Variants in COL27A1 observed in about 807,000 individuals in gnomAD.
The protein encoded by COL27A1 is collagen type XXVII alpha 1 chain, also known as collagen alpha-1(XXVII) chain.
Under a neutral mutation model 251.3 loss-of-function variants are expected in COL27A1, and 106 were observed. That is an observed-to-expected ratio of 0.42 (90% CI 0.36 to 0.50). COL27A1 has a LOEUF of 0.50. COL27A1 is among the 20% of genes least tolerant of loss of function. The probability of loss-of-function intolerance (pLI) is 0.00; values close to 1 mark genes in which losing one functional copy is unlikely to be tolerated. For missense variants in COL27A1, 2,325 were observed against 2,522.8 expected, an observed-to-expected ratio of 0.92 and a Z score of 1.68; for synonymous variants, 1,000 against 986.3, an observed-to-expected ratio of 1.01 and a Z score of -0.26.
chr9:114,278,251 T>TTGG, intron 37 of COL27A1, among the ~76,000 whole-genome samples: 1 of 141,282 alleles, frequency 7.1e-6, no homozygotes, highest in South Asian at 2.7e-4. Flanking sequence ...GATGATGGTG[T>TTGG]TGGTGGTGGT....
At chr9:114,219,181 G>A (rs544138839) in intron 12 of COL27A1, among the ~76,000 whole-genome samples, 68 of 152,296 alleles carry the variant, frequency 4.5e-4, no homozygotes, top group South Asian at 1.0e-3. Context: ...GGGATGGGGC[G>A]AGAGGGCCAG....
chr9:114,194,328 T>C (rs1242793557), intron 5 of COL27A1, 76 bp from the exon 6 acceptor site: 2 of 1,414,808 alleles, frequency 1.4e-6, no homozygotes, highest in Non-Finnish European at 2.0e-6. Flanking sequence ...GAGCAGGGCT[T>C]TGAGCAGAGT....
intron 7 of COL27A1, among the ~76,000 whole-genome samples, chr9:114,200,104 G>GA (rs1347994940): frequency 6.6e-6 from 1 of 152,206 alleles, no homozygotes; most frequent in African/African-American, 2.4e-5. Flanking sequence ...TGTGTCTGGG[G>GA]AAATGTGATG....
intron 34 of COL27A1, among the ~76,000 whole-genome samples, chr9:114,267,770 C>T (rs760091459): frequency 1.3e-5 from 2 of 152,160 alleles, no homozygotes; most frequent in African/African-American, 2.4e-5. Flanking sequence ...TTTCGGGCAC[C>T]TGCCCCTGCC....
At chr9:114,237,102 G>C in intron 18 of COL27A1, 68 bp downstream of exon 18, 2 of 1,444,762 alleles carry the variant, frequency 1.4e-6, no homozygotes, top group Non-Finnish European at 1.9e-6. Flanking sequence ...TGTGGCTGGG[G>C]ACACCTTCAC....
intron 3 of COL27A1, among the ~76,000 whole-genome samples, 191 bp from the exon 4 acceptor site, chr9:114,178,100 A>C (rs1398820983): frequency 1.3e-5 from 2 of 152,204 alleles, no homozygotes; most frequent in African/African-American, 4.8e-5. Context: ...CAGTGACTGA[A>C]TAGTAGCTAT....
chr9:114,205,309 C>T (rs150094999), intron 8 of COL27A1, among the ~76,000 whole-genome samples, 163 bp downstream of exon 8: 78 of 152,328 alleles, frequency 5.1e-4, no homozygotes, highest in South Asian at 1.2e-3. Flanking sequence ...GTCCACCCCA[C>T]CTCTCTCGCC....
At chr9:114,180,131 C>CA (rs1564436113) in intron 4 of COL27A1, among the ~76,000 whole-genome samples, 1 of 151,690 alleles carries the variant, frequency 6.6e-6, no homozygotes, top group Non-Finnish European at 1.5e-5. Flanking sequence ...TGAGCCACTG[C>CA]GCCTAGCCCA....
intron 48 of COL27A1, 149 bp downstream of exon 48, chr9:114,291,066 G>T: frequency 1.7e-6 from 1 of 578,722 alleles, no homozygotes; most frequent in South Asian, 2.3e-5. Flanking sequence ...AGCAGTGCTT[G>T]GGGGTCCTGC....
At chr9:114,174,093 T>G (rs1849522654) in intron 3 of COL27A1, among the ~76,000 whole-genome samples, 1 of 152,054 alleles carries the variant, frequency 6.6e-6, no homozygotes, top group African/African-American at 2.4e-5. Flanking sequence ...TTCTCCTGCC[T>G]CAGCCTCCTA....
chr9:114,156,064 T>A, intron 1 of COL27A1, 52 bp downstream of exon 1: 3 of 1,293,402 alleles, frequency 2.3e-6, no homozygotes, highest in Non-Finnish European at 3.0e-6. Flanking sequence ...TGCTCCAATC[T>A]CGGGGAGGGC....
At chr9:114,245,544 C>T (rs1833073505) in intron 23 of COL27A1, among the ~76,000 whole-genome samples, 1 of 152,180 alleles carries the variant, frequency 6.6e-6, no homozygotes, top group Non-Finnish European at 1.5e-5. Flanking sequence ...GGTCACTTCA[C>T]CTCTCTGGGC....
Position 114,246,031 on chromosome 9 carries a change from G to A in COL27A1, c.2979+121G>A, listed in dbSNP as rs138771441. On this transcript the variant is annotated intron_variant, in intron 24 of 60. Transcript: ENST00000356083. ...TGTAATTCTCAGAACAACTCCAGAG[G>A]TAGGTTCAGTCCTCTACCCCTTTCA... 1.7e-3 allele frequency: 1,444 copies of A among 830,528 alleles called. 15 individuals carry two copies. The African/African-American group carries it at 0.022, about 13-fold the overall frequency. The allele number at this position is 830,528 out of a possible 1,614,324, so 51.4% of individuals were successfully genotyped here.
At chr9:114,172,020 T>C (rs2808778) in intron 3 of COL27A1, among the ~76,000 whole-genome samples, 38,580 of 152,016 alleles carry the variant, frequency 0.25, 5,133 homozygotes, top group Middle Eastern at 0.4. Context: ...TTCTGCTCCT[T>C]CAGCCCTGAC....
rs1564577165 is a variant in COL27A1 at position 114,290,867 on chromosome 9, A to C, written c.4426A>C (p.Asn1476His). Residue 1476 changes from asparagine to histidine, a missense_variant, in exon 48 of 61, where the codon AAT (asparagine) becomes CAT (histidine). Asn to His is a moderately conservative substitution (Grantham distance 68). Transcript: ENST00000356083. This position sits in a 1 kb window ranked among gnomAD's most constrained non-coding sequence, Gnocchi z 4.6. ...CATGGGCCCTGCTGGGAAGAGAGGA[A>C]ATCCAGGTGTGGCCGGCTTACCTGG... ...GPMGPAGKRG[N>H]PGVAGLPGAQ... The C allele has an allele frequency of 6.4e-7, 1 of 1,551,876 alleles. No homozygotes were observed. The highest frequency in any genetic ancestry group is 1.2e-5 in the South Asian group (1 of 84,092).
chr9:114,171,248 A>G (rs370123373), intron 3 of COL27A1, among the ~76,000 whole-genome samples: 7 of 152,164 alleles, frequency 4.6e-5, no homozygotes, highest in African/African-American at 1.7e-4. Context: ...AATTGCGCTC[A>G]GAGAGGGCCA....
At chr9:114,240,621 AC>A in intron 21 of COL27A1, 134 bp downstream of exon 21, 3 of 770,572 alleles carry the variant, frequency 3.9e-6, no homozygotes, top group Non-Finnish European at 6.2e-6. Context: ...GCTTCCCCAG[AC>A]TTACCCACCA....
At chr9:114,282,157 G>C in intron 37 of COL27A1, 120 bp from the exon 38 acceptor site, 1 of 820,864 alleles carries the variant, frequency 1.2e-6, no homozygotes, top group Non-Finnish European at 2.1e-6. Flanking sequence ...CTGGGTGGCA[G>C]AATCAGTTTC....
intron 7 of COL27A1, among the ~76,000 whole-genome samples, chr9:114,196,601 A>T (rs564363807): frequency 6.6e-5 from 10 of 152,070 alleles, no homozygotes; most frequent in Admixed American, 1.3e-4. Context: ...GAGCTCTCAG[A>T]GTCTAATATG....
Sources: gnomAD v4.1 joint callset for allele counts (sites outside exome capture counted in the v4.1 genomes callset) on GRCh38, gnomAD v4.1.1 for gene constraint, Gnocchi (gnomAD v3.1) non-coding constraint, MANE v1.5 for transcripts, NCBI Gene and HGNC (gene_info 2026-07-23, HGNC 2026-07-21) for gene names.